Variants in FRMD5 observed in about 807,000 individuals in gnomAD.
FRMD5 encodes the protein FERM domain-containing protein 5.
Under a neutral mutation model 69.0 loss-of-function variants are expected in FRMD5, and 20 were observed. That is an observed-to-expected ratio of 0.29 (90% confidence interval 0.20 to 0.42). The LOEUF is 0.42. Ranked by LOEUF, FRMD5 falls within the 10% of genes least tolerant of loss-of-function variation. FRMD5 has a pLI of 1.00. For missense variants in FRMD5, 595 were observed against 708.6 expected (o/e 0.84, Z 1.82); for synonymous variants, 271 against 260.1 (o/e 1.04, Z -0.40).
intron 1 of FRMD5, among the ~76,000 whole-genome samples, chr15:44,175,151 G>A (rs1195394469): frequency 6.6e-6 from 1 of 152,014 alleles, no homozygotes; most frequent in Non-Finnish European, 1.5e-5. Context: ...TTTATCACCT[G>A]GAAATTCAAT....
At chr15:43,997,924 C>T in intron 1 of FRMD5, among the ~76,000 whole-genome samples, 1 of 152,030 alleles carries the variant, frequency 6.6e-6, no homozygotes, top group Non-Finnish European at 1.5e-5. Context: ...CAGTAGGCCT[C>T]TTAAAGGCCT....
In FRMD5 at chr15:43,873,735, G is replaced by A. The variant is rs542313684; in HGVS notation, c.*150C>T. 310 of 1,520,316 alleles carry A rather than the reference G, an allele frequency of 2.0e-4. 1 individual carries two copies. Among genetic ancestry groups the A allele is most frequent in the Non-Finnish European group, 1.2e-4 (136 of 1,142,672 alleles). 94.2% of individuals were successfully genotyped at this position (1,520,316 alleles called of 1,614,324 possible). On this transcript the variant is annotated 3_prime_UTR_variant, in exon 14 of 14. Transcript: ENST00000417257. ...TGAGCCTATCCCTTTCTTCTTCTGG[G>A]AAACACCCTCCTAGGCTGCAGTGGA...
Position 43,871,373 on chromosome 15 carries a change from C to T in FRMD5, c.*2512G>A, listed in dbSNP as rs1414913101. On this transcript the variant is annotated 3_prime_UTR_variant, in exon 14 of 14. Transcript: ENST00000417257. The stretch of plus-strand genomic sequence containing the variant: ...CATACTAGGATATGGAATACTGCAT[C>T]TGTCTCTAATGTGAATATGAAAGGT... The T allele has an allele frequency of 6.6e-6, 1 of 152,242 alleles. No homozygotes were observed. The highest frequency in any genetic ancestry group is 1.5e-5 in the Non-Finnish European group (1 of 68,044). The allele number at this position is 152,242 out of a possible 1,614,324, so 9.4% of individuals were successfully genotyped here.
In FRMD5 at chr15:43,982,735, G is replaced by A. The variant is rs192677544; in HGVS notation, c.103-58426C>T. Among the ~76,000 whole-genome samples, 535 of 152,008 alleles carry A rather than the reference G, an allele frequency of 3.5e-3. 3 individuals are homozygous for A. Among genetic ancestry groups the A allele is most frequent in the African/African-American group, 0.013 (527 of 41,448 alleles). Reference sequence around the variant, plus strand: ...GGTCTTTATAAACTGTATTTTTAAAGTTTTTTTTCTAAAGATAGAAAATGA... The same window carrying A: ...GGTCTTTATAAACTGTATTTTTAAAATTTTTTTTCTAAAGATAGAAAATGA... On this transcript the variant is annotated intron_variant, in intron 1 of 13. Coordinates refer to ENST00000417257, the MANE Select transcript of FRMD5 (RefSeq NM_032892.5).
At chr15:44,102,866 T>C (rs1032602463) in intron 1 of FRMD5, among the ~76,000 whole-genome samples, 3 of 152,012 alleles carry the variant, frequency 2.0e-5, no homozygotes, top group African/African-American at 7.2e-5. Context: ...AGTAAACAAA[T>C]CAGAAAGGCT....
At chr15:43,886,706 C>G (rs888039304) in intron 10 of FRMD5, among the ~76,000 whole-genome samples, 1 of 152,218 alleles carries the variant, frequency 6.6e-6, no homozygotes, top group African/African-American at 2.4e-5. Flanking sequence ...TCTCAGGGCT[C>G]CAGGACATCC....
At chr15:43,972,943 C>T (rs2090404186) in intron 1 of FRMD5, among the ~76,000 whole-genome samples, 1 of 152,260 alleles carries the variant, frequency 6.6e-6, no homozygotes, top group Admixed American at 6.5e-5. Context: ...GTCTTCCCTT[C>T]CCCAGGCCGA....
chr15:43,919,189 A>C, intron 4 of FRMD5: 4 of 572,364 alleles, frequency 7.0e-6, no homozygotes, highest in Non-Finnish European at 1.3e-5. Flanking sequence ...GACGCTTCTG[A>C]TTAGTTACTC....
chr15:43,900,304 G>T (rs1240794149), intron 7 of FRMD5, among the ~76,000 whole-genome samples: 1 of 152,146 alleles, frequency 6.6e-6, no homozygotes, highest in South Asian at 2.1e-4. Context: ...TTATGGAGGG[G>T]TTTAAACTGC....
At chr15:44,023,095 G>A (rs1891283020) in intron 1 of FRMD5, among the ~76,000 whole-genome samples, 1 of 152,058 alleles carries the variant, frequency 6.6e-6, no homozygotes, top group Non-Finnish European at 1.5e-5. Context: ...AAAAATAGGG[G>A]CAAGGGGACA....
chr15:43,874,577 G>A (rs1054343067), intron 13 of FRMD5, 115 bp from the exon 14 acceptor site: 13 of 720,064 alleles, frequency 1.8e-5, no homozygotes, highest in Admixed American at 4.3e-5. Flanking sequence ...ACCAGCAGCA[G>A]TAGCCACTGC....
intron 7 of FRMD5, among the ~76,000 whole-genome samples, chr15:43,895,236 T>C (rs2088886612): frequency 6.6e-6 from 1 of 152,162 alleles, no homozygotes; most frequent in Non-Finnish European, 1.5e-5. Flanking sequence ...TGTGGGAAGT[T>C]AGAATGAAAA....
At chr15:44,068,792 G>T (rs1199107009) in intron 1 of FRMD5, among the ~76,000 whole-genome samples, 1 of 152,152 alleles carries the variant, frequency 6.6e-6, no homozygotes, top group Admixed American at 6.6e-5. Flanking sequence ...AAGTTTAGAT[G>T]ACCTGTATTT....
chr15:43,888,924 AG>A, intron 8 of FRMD5, 52 bp from the exon 9 acceptor site: 1 of 1,533,590 alleles, frequency 6.5e-7, no homozygotes. Context: ...GCTTGTTCAC[AG>A]CTAAATCTTG....
At chr15:44,057,506 T>C (rs1206777929) in intron 1 of FRMD5, among the ~76,000 whole-genome samples, 1 of 152,234 alleles carries the variant, frequency 6.6e-6, no homozygotes, top group Admixed American at 6.5e-5. Context: ...CATGACACAA[T>C]TGCTAACATG....
At chr15:44,079,823 A>C (rs1893924079) in intron 1 of FRMD5, among the ~76,000 whole-genome samples, 1 of 152,140 alleles carries the variant, frequency 6.6e-6, no homozygotes, top group African/African-American at 2.4e-5. Flanking sequence ...AGGCAATTCT[A>C]ACTCATGCTA....
chr15:43,904,266 C>T (rs1162749139), intron 6 of FRMD5, among the ~76,000 whole-genome samples: 1 of 152,228 alleles, frequency 6.6e-6, no homozygotes, highest in Admixed American at 6.5e-5. Context: ...TCCAGCTCTG[C>T]TCCCTGTTGC....
At chr15:43,943,809 G>C (rs187391406) in intron 1 of FRMD5, among the ~76,000 whole-genome samples, 1 of 152,226 alleles carries the variant, frequency 6.6e-6, no homozygotes, top group East Asian at 1.9e-4. Flanking sequence ...CAAACTTCTA[G>C]TTTCCAGAAC....
At chr15:43,904,214 G>A (rs1046075396) in intron 6 of FRMD5, among the ~76,000 whole-genome samples, 1 of 152,172 alleles carries the variant, frequency 6.6e-6, no homozygotes, top group Non-Finnish European at 1.5e-5. Flanking sequence ...GCCTGTGGTC[G>A]GGGAAGGAAC....
Sources: gnomAD v4.1 joint callset for allele counts (sites outside exome capture counted in the v4.1 genomes callset) on GRCh38, gnomAD v4.1.1 for gene constraint, MANE v1.5 for transcripts, NCBI Gene and HGNC (gene_info 2026-07-23, HGNC 2026-07-21) for gene names.